Variants in ACAP2 observed in about 807,000 individuals in gnomAD.
ACAP2 encodes ArfGAP with coiled-coil, ankyrin repeat and PH domains 2.
In ACAP2, 39 loss-of-function variants were observed where a neutral mutation model predicts 115.8. That is an observed-to-expected ratio of 0.34 (90% CI 0.26 to 0.44). ACAP2 has a LOEUF of 0.44. Ranked by LOEUF, ACAP2 falls within the 20% of genes least tolerant of loss-of-function variation. ACAP2 has a pLI of 1.00. For synonymous variants in ACAP2, 289 were observed against 315.8 expected (o/e 0.92, Z 0.90); for missense variants, 662 against 927.6 (o/e 0.71, Z 3.72).
intron 1 of ACAP2, among the ~76,000 whole-genome samples, chr3:195,430,795 G>A (rs1393212748): frequency 2.6e-5 from 4 of 152,032 alleles, no homozygotes; most frequent in African/African-American, 9.7e-5. Context: ...GTTAAGTCAA[G>A]GCGAAAGAAA....
intron 2 of ACAP2, among the ~76,000 whole-genome samples, chr3:195,386,466 A>T (rs1473642656): frequency 6.6e-6 from 1 of 152,222 alleles, no homozygotes; most frequent in Non-Finnish European, 1.5e-5. Flanking sequence ...GCAGCCATAA[A>T]AAAGAATGGG....
chr3:195,303,370 C>T (rs148834483), intron 13 of ACAP2, among the ~76,000 whole-genome samples: 1 of 151,468 alleles, frequency 6.6e-6, no homozygotes, highest in East Asian at 2.0e-4. Flanking sequence ...GATCATGCCA[C>T]CGCACTCCAG....
chr3:195,320,034 G>T (rs542611728), intron 10 of ACAP2, among the ~76,000 whole-genome samples: 1 of 152,256 alleles, frequency 6.6e-6, no homozygotes, highest in Non-Finnish European at 1.5e-5. Context: ...GTTCTCACAA[G>T]ATATAATGGT....
chr3:195,413,426 A>T (rs1049005019), intron 1 of ACAP2, among the ~76,000 whole-genome samples: 11 of 152,144 alleles, frequency 7.2e-5, no homozygotes, highest in African/African-American at 2.7e-4. Context: ...TTAAAACTCA[A>T]CAATAAAACA....
chr3:195,415,128 G>T (rs1470147041), intron 1 of ACAP2, among the ~76,000 whole-genome samples: 1 of 152,134 alleles, frequency 6.6e-6, no homozygotes, highest in Non-Finnish European at 1.5e-5. Flanking sequence ...TGATAATAAT[G>T]TATCAATGTA....
chr3:195,436,842 T>C (rs1334075586), intron 1 of ACAP2, among the ~76,000 whole-genome samples: 1 of 152,164 alleles, frequency 6.6e-6, no homozygotes, highest in East Asian at 1.9e-4. Context: ...ACAAGTGGTT[T>C]TCATTAGGAA....
intron 5 of ACAP2, among the ~76,000 whole-genome samples, chr3:195,344,365 T>C (rs1731061901): frequency 2.0e-5 from 3 of 152,312 alleles, no homozygotes; most frequent in South Asian, 2.1e-4. Flanking sequence ...TAATTTTATA[T>C]ATTCCCAGCC....
chr3:195,437,606 G>C (rs1253487033), intron 1 of ACAP2, among the ~76,000 whole-genome samples: 1 of 151,958 alleles, frequency 6.6e-6, no homozygotes, highest in African/African-American at 2.4e-5. Context: ...ACAAGGTCAG[G>C]AGTTCAAGAC....
In ACAP2 at chr3:195,275,349, T is replaced by C. The variant is rs867820363; in HGVS notation, c.*3979A>G. The C allele has an allele frequency of 1.1e-4, 16 of 152,348 alleles. No homozygotes were observed. Among genetic ancestry groups the C allele is most frequent in the Middle Eastern group, 6.8e-3 (2 of 294 alleles). 9.4% of individuals were successfully genotyped at this position (152,348 alleles called of 1,614,324 possible). A position where few individuals can be genotyped will look rare whatever the true frequency, so the allele number is the denominator to read the frequency against. ...ACAAAACCATATCTGTAGATGTCAT[T>C]TGGAAGCATCAAGAAATTGATAAGT... On this transcript the variant is annotated 3_prime_UTR_variant, in exon 23 of 23. Transcript: ENST00000326793.
chr3:195,346,548 G>T (rs894002754), intron 4 of ACAP2, among the ~76,000 whole-genome samples: 2 of 152,150 alleles, frequency 1.3e-5, no homozygotes, highest in African/African-American at 4.8e-5. Context: ...TCAAGGCTCA[G>T]TCAAGAAGAA....
chr3:195,290,593 C>A (rs1727173802), intron 20 of ACAP2, among the ~76,000 whole-genome samples: 1 of 151,586 alleles, frequency 6.6e-6, no homozygotes, highest in Non-Finnish European at 1.5e-5. Flanking sequence ...GGTGGATCAC[C>A]TGAGGTCAGG....
At chr3:195,423,806 A>T (rs1398625307) in intron 1 of ACAP2, among the ~76,000 whole-genome samples, 2 of 152,146 alleles carry the variant, frequency 1.3e-5, no homozygotes, top group African/African-American at 2.4e-5. Context: ...TATAATTTTC[A>T]TGTGTCATGA....
intron 6 of ACAP2, among the ~76,000 whole-genome samples, chr3:195,338,549 C>T (rs115448740): frequency 0.013 from 1,968 of 152,186 alleles, 22 homozygotes; most frequent in South Asian, 0.023. Context: ...TCAAACTCCT[C>T]GCTTCAAGCA....
chr3:195,280,243 C>A (rs931947572), intron 22 of ACAP2, among the ~76,000 whole-genome samples: 4 of 152,062 alleles, frequency 2.6e-5, no homozygotes, highest in Non-Finnish European at 5.9e-5. Flanking sequence ...GAGGCTGAGG[C>A]GGGCAGATCA....
intron 10 of ACAP2, among the ~76,000 whole-genome samples, chr3:195,316,934 C>T (rs1444825340): frequency 9.2e-6 from 1 of 108,394 alleles, no homozygotes; most frequent in Non-Finnish European, 1.7e-5. Context: ...AGACAAGAGT[C>T]TCACCCAGGC....
intron 4 of ACAP2, among the ~76,000 whole-genome samples, chr3:195,347,381 GAA>G (rs1003384282): frequency 2.1e-4 from 32 of 152,204 alleles, no homozygotes; most frequent in African/African-American, 7.7e-4. Context: ...GAGAACTACT[GAA>G]ACAGGGAACA....
intron 3 of ACAP2, 93 bp downstream of exon 3, chr3:195,381,810 C>T: frequency 7.1e-7 from 1 of 1,410,162 alleles, no homozygotes; most frequent in Non-Finnish European, 9.6e-7. Flanking sequence ...TTAAGTATCA[C>T]CATAACTATA....
chr3:195,306,851 T>TA (rs1417603277), intron 12 of ACAP2: 199 of 228,074 alleles, frequency 8.7e-4, no homozygotes, highest in Middle Eastern at 3.3e-3. Context: ...CACTGAATAT[T>TA]TAAAAAAAAA....
At chr3:195,381,188 A>G (rs761902789) in intron 3 of ACAP2, 126 bp from the exon 4 acceptor site, 10 of 688,214 alleles carry the variant, frequency 1.5e-5, no homozygotes, top group Non-Finnish European at 2.2e-5. Context: ...TTTATTTCCA[A>G]TGACAATCTC....
Sources: allele counts gnomAD v4.1 joint callset (sites outside exome capture counted in the v4.1 genomes callset), GRCh38; gene constraint gnomAD v4.1.1; transcripts MANE v1.5; gene names NCBI Gene and HGNC (gene_info 2026-07-23, HGNC 2026-07-21).